The following SORCS1 variants were observed in gnomAD, a reference collection of about 807,000 sequenced individuals.
The protein encoded by SORCS1 is VPS10 domain-containing receptor SorCS1.
Under a neutral mutation model 146.1 loss-of-function variants are expected in SORCS1, and 60 were observed. The observed-to-expected ratio is 0.41, with a 90% CI of 0.33 to 0.51. The LOEUF (loss-of-function observed/expected upper bound fraction) is 0.51. Ranked by LOEUF, SORCS1 falls within the 20% of genes least tolerant of loss-of-function variation. SORCS1 has a pLI of 0.21. For synonymous variants in SORCS1, 637 were observed against 584.0 expected (o/e 1.09, Z -1.31); for missense variants, 1,352 against 1,487.6 (o/e 0.91, Z 1.50).
intron 1 of SORCS1, among the ~76,000 whole-genome samples, chr10:107,101,255 G>A (rs1252096038): frequency 6.6e-6 from 1 of 152,158 alleles, no homozygotes; most frequent in Non-Finnish European, 1.5e-5. Context: ...ATGTTGACCA[G>A]GCTGCTCTTG....
At chr10:106,663,798 T>C (rs1850919397) in intron 17 of SORCS1, among the ~76,000 whole-genome samples, 4 of 152,182 alleles carry the variant, frequency 2.6e-5, no homozygotes, top group Admixed American at 2.6e-4. Context: ...GGTCTTCGTG[T>C]TCCTAATGCA....
At chr10:107,015,485 C>A (rs914450890) in intron 1 of SORCS1, among the ~76,000 whole-genome samples, 1 of 152,082 alleles carries the variant, frequency 6.6e-6, no homozygotes, top group African/African-American at 2.4e-5. Context: ...TTTAAGGCAG[C>A]GGGACAGTGA....
intron 1 of SORCS1, among the ~76,000 whole-genome samples, chr10:107,139,690 C>A (rs1967641294): frequency 1.3e-5 from 2 of 152,318 alleles, no homozygotes; most frequent in Non-Finnish European, 1.5e-5. Context: ...ATATGCCAAA[C>A]CATATCATCT....
At chr10:106,656,656 G>GTT (rs200069838) in intron 17 of SORCS1, among the ~76,000 whole-genome samples, 22 of 146,762 alleles carry the variant, frequency 1.5e-4, no homozygotes, top group Non-Finnish European at 2.3e-4. Context: ...TATTTAGTAG[G>GTT]TTTTTTTTTT....
chr10:106,600,687 T>C (rs1846185098), intron 23 of SORCS1: 1 of 985,320 alleles, frequency 1.0e-6, no homozygotes, highest in Admixed American at 6.2e-5. Context: ...ATCTTAGGTG[T>C]CAGTGCTGGC....
At chr10:106,592,481 T>G (rs1462887259) in intron 24 of SORCS1, among the ~76,000 whole-genome samples, 1 of 152,218 alleles carries the variant, frequency 6.6e-6, no homozygotes, top group Non-Finnish European at 1.5e-5. Context: ...TCTTTTTCCT[T>G]GGAGACAAAC....
intron 5 of SORCS1, among the ~76,000 whole-genome samples, chr10:106,741,142 C>T (rs550011492): frequency 6.6e-6 from 1 of 152,296 alleles, no homozygotes; most frequent in African/African-American, 2.4e-5. Flanking sequence ...AGAGCAAATA[C>T]CATGTCCAAA....
chr10:107,141,135 C>A (rs779097319), intron 1 of SORCS1, among the ~76,000 whole-genome samples: 11 of 152,158 alleles, frequency 7.2e-5, no homozygotes, highest in Non-Finnish European at 1.5e-4. Context: ...ATGTTAACTA[C>A]ACTCAGTTAC....
At chr10:107,070,633 C>A (rs1030966943) in intron 1 of SORCS1, among the ~76,000 whole-genome samples, 1 of 152,130 alleles carries the variant, frequency 6.6e-6, no homozygotes, top group Non-Finnish European at 1.5e-5. Flanking sequence ...TTCTTTTATT[C>A]TTTAAATCCA....
rs558658359 is a variant in SORCS1, at chr10:106,636,072, C to T, written c.2476-6684G>A. ...GCCAGTGTAGTAAATGCATGGCATG[C>T]GACTTTGTATACAAAGTGAGAGTGC... On this transcript the variant is annotated intron_variant, in intron 18 of 25. Coordinates refer to ENST00000263054, the MANE Select transcript of SORCS1 (RefSeq NM_052918.5). Among the ~76,000 whole-genome samples the T allele has an allele frequency of 1.4e-4, 21 of 152,054 alleles. No homozygotes were observed. The South Asian group carries it at 1.5e-3, about 11-fold the overall frequency.
chr10:107,102,824 A>G (rs1373836800), intron 1 of SORCS1, among the ~76,000 whole-genome samples: 1 of 152,200 alleles, frequency 6.6e-6, no homozygotes, highest in African/African-American at 2.4e-5. Context: ...TAATGTAAAA[A>G]TCTTTACATT....
At chr10:107,128,285 A>G (rs531743223) in intron 1 of SORCS1, among the ~76,000 whole-genome samples, 1 of 152,342 alleles carries the variant, frequency 6.6e-6, no homozygotes, top group African/African-American at 2.4e-5. Context: ...AAAAGAAACA[A>G]GAGATTAAAG....
chr10:106,705,973 T>C (rs1175469118), intron 8 of SORCS1, among the ~76,000 whole-genome samples: 1 of 152,206 alleles, frequency 6.6e-6, no homozygotes. Context: ...AAGCAAAGGC[T>C]GGTGCCACGT....
intron 1 of SORCS1, among the ~76,000 whole-genome samples, chr10:107,036,047 T>C (rs1958892427): frequency 6.6e-6 from 1 of 151,710 alleles, no homozygotes; most frequent in Admixed American, 6.6e-5. Flanking sequence ...TAGTATCCCA[T>C]AACGTTGTAT....
chr10:106,726,400 A>G (rs1029124671), intron 6 of SORCS1, among the ~76,000 whole-genome samples: 2 of 150,614 alleles, frequency 1.3e-5, no homozygotes, highest in African/African-American at 4.9e-5. Flanking sequence ...TAAAATAAAT[A>G]AAATTAGAAC....
rs769028860 is a variant in SORCS1, at chr10:106,699,194, A to G, written c.1413+20T>C. On this transcript the variant is annotated intron_variant, in intron 9 of 25. Coordinates refer to ENST00000263054, the MANE Select transcript of SORCS1 (RefSeq NM_052918.5). ...CTGGGCACTGCTGTGGCTTAGGACC[A>G]CATATGCCTCGTGACATACCTCATA... 6.3e-7 allele frequency: 1 copy of G among 1,591,806 alleles called. No homozygotes were observed. The highest frequency in any genetic ancestry group is 8.6e-7 in the Non-Finnish European group (1 of 1,169,216).
chr10:106,883,680 T>C (rs1009043681), intron 2 of SORCS1, among the ~76,000 whole-genome samples: 3 of 152,190 alleles, frequency 2.0e-5, no homozygotes, highest in Non-Finnish European at 2.9e-5. Flanking sequence ...CCCAGAGTGG[T>C]AGGATTACAG....
chr10:106,656,416 TG>T (rs1352985876), intron 17 of SORCS1, among the ~76,000 whole-genome samples: 2 of 152,150 alleles, frequency 1.3e-5, no homozygotes, highest in Non-Finnish European at 2.9e-5. Flanking sequence ...CCGGGCTTGC[TG>T]GCGGGCGCCT....
intron 24 of SORCS1, among the ~76,000 whole-genome samples, chr10:106,590,211 T>C (rs1845517180): frequency 6.6e-6 from 1 of 152,210 alleles, no homozygotes; most frequent in African/African-American, 2.4e-5. Flanking sequence ...GCTCTTTTTT[T>C]GGTGAATTCC....
Sources: allele counts gnomAD v4.1 joint callset (sites outside exome capture counted in the v4.1 genomes callset), GRCh38; gene constraint gnomAD v4.1.1; transcripts MANE v1.5; gene names NCBI Gene and HGNC (gene_info 2026-07-23, HGNC 2026-07-21).